Variants in PRSS38 observed in about 807,000 individuals in gnomAD.
PRSS38 encodes serine protease 38, also known as marapsin 2.
Under a neutral mutation model 26.8 loss-of-function variants are expected in PRSS38, and 22 were observed. The ratio of observed to expected loss-of-function variants is 0.82; its 90% confidence interval spans 0.59 to 1.17. PRSS38 has a LOEUF of 1.17. Ranked by LOEUF, PRSS38 falls within the 50% of genes most tolerant of loss-of-function variation. The probability of loss-of-function intolerance (pLI) is 0.00; values close to 1 mark genes in which losing one functional copy is unlikely to be tolerated. For synonymous variants in PRSS38, 175 were observed against 172.1 expected (o/e 1.02, Z -0.13); for missense variants, 427 against 422.7 (o/e 1.01, Z -0.09).
intron 3 of PRSS38, among the ~76,000 whole-genome samples, chr1:227,830,603 C>T (rs188800218): frequency 1.0e-3 from 154 of 150,352 alleles, no homozygotes; most frequent in Non-Finnish European, 1.6e-3. Flanking sequence ...TGGGTTCAAG[C>T]GATTCTCCTG....
intron 3 of PRSS38, among the ~76,000 whole-genome samples, chr1:227,828,239 A>G (rs1289221585): frequency 6.6e-6 from 1 of 152,180 alleles, no homozygotes; most frequent in African/African-American, 2.4e-5. Context: ...GATCCTGAAT[A>G]TCTTTGTTAA....
chr1:227,815,880 G>GGGGCGGAT lies in PRSS38; in HGVS notation c.148+23_148+30dup. ...GGCAGCGTGGGTAGGCCCTGCCCCA[G>GGGGCGGAT]GGGCGGATGGGCGGCTGGAGACAGT... On this transcript the variant is annotated intron_variant, in intron 1 of 4. Transcript: ENST00000366757. 1 of 1,588,244 alleles carries GGGGCGGAT rather than the reference G, an allele frequency of 6.3e-7. No individual in the cohort carries two copies. The highest frequency in any genetic ancestry group is 1.1e-5 in the South Asian group (1 of 88,916).
At chr1:227,830,880 A>G (rs1249348194) in intron 3 of PRSS38, among the ~76,000 whole-genome samples, 1 of 152,096 alleles carries the variant, frequency 6.6e-6, no homozygotes, top group Non-Finnish European at 1.5e-5. Context: ...AAAGGATAGT[A>G]GTAATATTTC....
chr1:227,815,959 C>T, intron 1 of PRSS38, 95 bp downstream of exon 1: 1 of 1,496,456 alleles, frequency 6.7e-7, no homozygotes, highest in Non-Finnish European at 9.1e-7. Flanking sequence ...GCCTGCCCAT[C>T]CCTTCCCCTC....
rs184423994 is a variant in PRSS38 at position 227,829,613 on chromosome 1, G to T, written c.583+12133G>T. On this transcript the variant is annotated intron_variant, in intron 3 of 4. Coordinates refer to ENST00000366757, the Ensembl canonical transcript of PRSS38. ...TATGATTTTTGAATCTATTGTGAAT[G>T]CAGTTTTCTCAATTTCATTTTAATT... Among the ~76,000 whole-genome samples, 25 of 152,214 alleles carry T rather than the reference G, an allele frequency of 1.6e-4. No homozygotes were observed. In the East Asian group the frequency reaches 4.6e-3, roughly 28 times the overall value.
At position 227,845,549 on chromosome 1, in the gene PRSS38, G is replaced by T. The variant is rs760853609; in HGVS notation, c.663G>T (p.Met221Ile). The change falls in exon 4 of 5, where the codon ATG becomes ATT. Residue 221 changes from methionine to isoleucine, a missense_variant. By Grantham distance (10) the Met-to-Ile change is conservative. Coordinates refer to ENST00000366757, the Ensembl canonical transcript of PRSS38. ...GGTGCCACCTGCTCTACGGACACAT[G>T]TCCTACATCATGCCCGACATGCTGT... 6.2e-6 allele frequency: 10 copies of T among 1,613,616 alleles called. No homozygotes were observed. The East Asian group carries it at 2.2e-4, about 36-fold the overall frequency.
At position 227,815,776 on chromosome 1, in the gene PRSS38, GC is replaced by G; in HGVS notation, c.61del (p.Leu21CysfsTer25). On this transcript the variant is annotated frameshift_variant, in exon 1 of 5. Coordinates refer to ENST00000366757, the Ensembl canonical transcript of PRSS38. LOFTEE classifies it high-confidence loss of function. ...GGCCCTCTGCCCTGGGCCTTCTGCT[GC>G]TGCTCCTGGTGGTGGCCCCTCCCCG... The G allele has an allele frequency of 1.2e-6, 2 of 1,611,934 alleles. No individual in the cohort carries two copies. The highest frequency in any genetic ancestry group is 1.7e-6 in the Non-Finnish European group (2 of 1,178,684).
chr1:227,840,439 G>A (rs1033705242), intron 3 of PRSS38, among the ~76,000 whole-genome samples: 1 of 152,026 alleles, frequency 6.6e-6, no homozygotes, highest in East Asian at 1.9e-4. Context: ...TAAATGGTTG[G>A]GGCGGAAAAG....
intron 3 of PRSS38, among the ~76,000 whole-genome samples, chr1:227,826,079 T>C (rs1344001535): frequency 1.3e-5 from 2 of 152,140 alleles, no homozygotes; most frequent in Non-Finnish European, 2.9e-5. Flanking sequence ...TGTAGTTCTT[T>C]TTGAAGAGGT....
intron 3 of PRSS38, among the ~76,000 whole-genome samples, chr1:227,841,788 C>A (rs376056505): frequency 6.6e-5 from 10 of 152,218 alleles, no homozygotes; most frequent in African/African-American, 2.4e-4. Flanking sequence ...GCATCCTCCT[C>A]CTCTCTGCCA....
chr1:227,817,158 C>G, intron 2 of PRSS38, 51 bp from the exon 3 acceptor site: 1 of 1,578,282 alleles, frequency 6.3e-7, no homozygotes. Flanking sequence ...GGCCTGTGGG[C>G]TGACCACACA....
chr1:227,830,741 G>A (rs1665142761), intron 3 of PRSS38, among the ~76,000 whole-genome samples: 1 of 151,846 alleles, frequency 6.6e-6, no homozygotes, highest in Non-Finnish European at 1.5e-5. Flanking sequence ...GTGGCCTCAG[G>A]TGATCTGCCC....
At chr1:227,831,659 T>C (rs990858404) in intron 3 of PRSS38, among the ~76,000 whole-genome samples, 4 of 152,162 alleles carry the variant, frequency 2.6e-5, no homozygotes, top group Non-Finnish European at 5.9e-5. Flanking sequence ...GAGACCACCC[T>C]GGCTAACATG....
intron 3 of PRSS38, among the ~76,000 whole-genome samples, chr1:227,830,229 C>T (rs920335342): frequency 6.6e-6 from 1 of 152,038 alleles, no homozygotes; most frequent in African/African-American, 2.4e-5. Context: ...ATTTATGAGA[C>T]ATATTGGCTG....
chr1:227,840,951 G>A (rs1011546055), intron 3 of PRSS38, among the ~76,000 whole-genome samples: 6 of 152,192 alleles, frequency 3.9e-5, no homozygotes, highest in Non-Finnish European at 4.4e-5. Context: ...TACTGTGAGT[G>A]CTGCTAGCCA....
At chr1:227,817,277 C>T in exon 3 of PRSS38, 2 of 1,614,110 alleles carry the variant, frequency 1.2e-6, no homozygotes, top group South Asian at 2.2e-5. Flanking sequence ...GGCAACCACA[C>T]CCAGTGGTAT....
rs202012565 is a variant in PRSS38 at position 227,836,701 on chromosome 1, A to T, written c.584-8769A>T. On this transcript the variant is annotated intron_variant, in intron 3 of 4. Transcript: ENST00000366757. ...GACTCCGTCTCAAAAAAAAAAAAAA[A>T]TAAAATAAAAGCTTCCATAACAGAA... is the stretch of plus-strand genomic sequence containing the variant. Among the ~76,000 whole-genome samples the T allele has an allele frequency of 1.6e-3, 6 of 3,862 alleles. 3 individuals carry two copies. Among genetic ancestry groups the T allele is most frequent in the Non-Finnish European group, 6.6e-3 (6 of 916 alleles). The allele number at this position is 3,862 out of a possible 152,430, so 2.5% of individuals were successfully genotyped here. A position where few individuals can be genotyped will look rare whatever the true frequency, so the allele number is the denominator to read the frequency against.
exon 5 of PRSS38, chr1:227,846,165 T>G: frequency 6.2e-7 from 1 of 1,613,186 alleles, no homozygotes; most frequent in African/African-American, 1.3e-5. Context: ...GGGCCCACTC[T>G]CAGCGTCCTA....
At chr1:227,839,164 A>C (rs1665279355) in intron 3 of PRSS38, among the ~76,000 whole-genome samples, 1 of 152,202 alleles carries the variant, frequency 6.6e-6, no homozygotes, top group Admixed American at 6.5e-5. Context: ...TCCCTGTTTA[A>C]ATGTATGCAA....
Sources: gnomAD v4.1 joint callset for allele counts (sites outside exome capture counted in the v4.1 genomes callset) on GRCh38, gnomAD v4.1.1 for gene constraint, MANE v1.5 for transcripts, NCBI Gene and HGNC (gene_info 2026-07-23, HGNC 2026-07-21) for gene names.